CADM2: variants seen among roughly 807,000 people sequenced by gnomAD.
CADM2 encodes immunoglobulin superfamily member 4D.
In CADM2, 12 loss-of-function variants were observed where a neutral mutation model predicts 49.8. That is an observed-to-expected ratio of 0.24 (90% CI 0.15 to 0.39). The LOEUF (loss-of-function observed/expected upper bound fraction) is 0.39. Ranked by LOEUF, CADM2 falls within the 10% of genes least tolerant of loss-of-function variation. CADM2 has a pLI of 1.00. For missense variants in CADM2, 378 were observed against 492.3 expected (o/e 0.77, Z 2.20); for synonymous variants, 214 against 175.4 (o/e 1.22, Z -1.74).
At chr3:85,813,057 A>G (rs2072982209) in intron 3 of CADM2, among the ~76,000 whole-genome samples, 1 of 152,184 alleles carries the variant, frequency 6.6e-6, no homozygotes, top group African/African-American at 2.4e-5. Context: ...TCCTTTGGGT[A>G]TATACTCAGT....
chr3:85,899,889 C>A (rs1011864990), intron 5 of CADM2, among the ~76,000 whole-genome samples: 24 of 152,130 alleles, frequency 1.6e-4, no homozygotes, highest in Admixed American at 4.6e-4. Context: ...CTGATTAGTT[C>A]TTAAGCGAAT....
intron 1 of CADM2, among the ~76,000 whole-genome samples, chr3:84,988,395 G>T (rs1468547884): frequency 6.6e-6 from 1 of 152,202 alleles, no homozygotes; most frequent in Non-Finnish European, 1.5e-5. Flanking sequence ...TTTCTACTTA[G>T]GAAATGCTTC....
chr3:85,056,477 A>T (rs2036084621), intron 1 of CADM2, among the ~76,000 whole-genome samples: 1 of 152,068 alleles, frequency 6.6e-6, no homozygotes, highest in Admixed American at 6.6e-5. Context: ...AGGTTTAATT[A>T]TAAGTACATA....
chr3:85,153,469 A>G (rs1186451141), intron 1 of CADM2, among the ~76,000 whole-genome samples: 4 of 152,210 alleles, frequency 2.6e-5, no homozygotes, highest in African/African-American at 9.6e-5. Context: ...CTAGCACAGC[A>G]TTCTGAGATC....
At chr3:85,154,463 T>C (rs898161720) in intron 1 of CADM2, among the ~76,000 whole-genome samples, 4 of 152,106 alleles carry the variant, frequency 2.6e-5, no homozygotes, top group African/African-American at 4.8e-5. Context: ...CTACATCTGA[T>C]TGGTGTACTT....
At chr3:85,238,237 A>C (rs886565186) in intron 1 of CADM2, among the ~76,000 whole-genome samples, 1 of 152,020 alleles carries the variant, frequency 6.6e-6, no homozygotes. Flanking sequence ...AGAACGTATC[A>C]GTGTGCCATA....
chr3:85,514,110 T>G (rs1165797199), intron 1 of CADM2, among the ~76,000 whole-genome samples: 1 of 152,068 alleles, frequency 6.6e-6, no homozygotes, highest in Non-Finnish European at 1.5e-5. Flanking sequence ...TAGAGTCATT[T>G]TTTTCAATTA....
chr3:85,285,796 A>G (rs2043619900), intron 1 of CADM2, among the ~76,000 whole-genome samples: 1 of 151,440 alleles, frequency 6.6e-6, no homozygotes, highest in African/African-American at 2.4e-5. Flanking sequence ...TTAATCTAAT[A>G]TATTTCTAAA....
chr3:85,990,455 C>A (rs1000420145), intron 8 of CADM2, among the ~76,000 whole-genome samples: 2 of 152,036 alleles, frequency 1.3e-5, no homozygotes, highest in African/African-American at 4.8e-5. Context: ...GACATAACGC[C>A]ATCATAAATT....
chr3:85,724,842 C>A (rs1274737484), intron 1 of CADM2, among the ~76,000 whole-genome samples: 1 of 151,522 alleles, frequency 6.6e-6, no homozygotes, highest in Non-Finnish European at 1.5e-5. Context: ...TGTACTTAAA[C>A]AATTAAGCCA....
chr3:85,743,621 A>G (rs2068484947), intron 2 of CADM2, among the ~76,000 whole-genome samples: 1 of 152,174 alleles, frequency 6.6e-6, no homozygotes, highest in Non-Finnish European at 1.5e-5. Context: ...TATTGATCCC[A>G]GTAAAAAAAA....
intron 2 of CADM2, among the ~76,000 whole-genome samples, chr3:85,733,965 GA>G (rs2068033714): frequency 6.6e-6 from 1 of 152,008 alleles, no homozygotes; most frequent in African/African-American, 2.4e-5. Flanking sequence ...TTTTGAAACA[GA>G]AAAAAGTCTG....
intron 1 of CADM2, among the ~76,000 whole-genome samples, chr3:85,646,530 T>A (rs1218138076): frequency 6.6e-6 from 1 of 151,998 alleles, no homozygotes; most frequent in Non-Finnish European, 1.5e-5. Context: ...CAAATTCTCA[T>A]CACTGTATCA....
intron 1 of CADM2, among the ~76,000 whole-genome samples, chr3:85,086,388 C>T (rs1355666703): frequency 6.6e-6 from 1 of 151,824 alleles, no homozygotes; most frequent in African/African-American, 2.4e-5. Context: ...TTCAGTCTTT[C>T]CACAACTGGG....
intron 1 of CADM2, among the ~76,000 whole-genome samples, chr3:85,320,646 A>G (rs1173232421): frequency 6.6e-6 from 1 of 152,110 alleles, no homozygotes; most frequent in Non-Finnish European, 1.5e-5. Context: ...AAAAATAATA[A>G]AGTATATTGA....
At chr3:86,062,934 T>C (rs1324807927) in intron 8 of CADM2, among the ~76,000 whole-genome samples, 3 of 152,118 alleles carry the variant, frequency 2.0e-5, no homozygotes, top group Non-Finnish European at 4.4e-5. Flanking sequence ...TTTTATCGGC[T>C]GAGCCTTCAT....
chr3:86,001,384 T>C (rs897361362), intron 8 of CADM2, among the ~76,000 whole-genome samples: 14 of 152,108 alleles, frequency 9.2e-5, no homozygotes, highest in African/African-American at 3.1e-4. Flanking sequence ...GCAGATAACA[T>C]AGTCCTTAAC....
chr3:85,353,665 T>G (rs1231016173), intron 1 of CADM2, among the ~76,000 whole-genome samples: 1 of 151,942 alleles, frequency 6.6e-6, no homozygotes, highest in Non-Finnish European at 1.5e-5. Flanking sequence ...TTACATAATA[T>G]TGCTACATCA....
At chr3:85,199,369 A>AGAGAGAGAG (rs1559716313) in intron 1 of CADM2, among the ~76,000 whole-genome samples, 11 of 91,966 alleles carry the variant, frequency 1.2e-4, no homozygotes, top group African/African-American at 3.7e-4. Context: ...GTGTGTGTGT[A>AGAGAGAGAG]TGAGAGAGAG....
Sources: allele counts gnomAD v4.1 joint callset (sites outside exome capture counted in the v4.1 genomes callset), GRCh38; gene constraint gnomAD v4.1.1; transcripts MANE v1.5; gene names NCBI Gene and HGNC (gene_info 2026-07-23, HGNC 2026-07-21).